Variants in APP observed in about 807,000 individuals in gnomAD.
The protein encoded by APP is amyloid beta precursor protein, also known as amyloid-beta precursor protein.
A neutral mutation model predicts 101.4 loss-of-function variants in APP; 31 were observed. That is an observed-to-expected ratio of 0.31 (90% CI 0.23 to 0.41). The LOEUF is 0.41. Ranked by LOEUF, APP falls within the 10% of genes least tolerant of loss-of-function variation. APP has a pLI of 1.00. For missense variants in APP, 839 were observed against 1,003.7 expected (o/e 0.84, Z 2.22); for synonymous variants, 366 against 364.4 (o/e 1.00, Z -0.05).
intron 15 of APP, among the ~76,000 whole-genome samples, chr21:25,902,250 C>A (rs933441948): frequency 6.6e-6 from 1 of 152,152 alleles, no homozygotes; most frequent in African/African-American, 2.4e-5. Flanking sequence ...ACTTGAACGG[C>A]ATGACAATCT....
chr21:26,112,690 T>C (rs1030481274), intron 1 of APP, among the ~76,000 whole-genome samples: 3 of 152,208 alleles, frequency 2.0e-5, no homozygotes, highest in Non-Finnish European at 4.4e-5. Context: ...GAATTCACCA[T>C]CCACAAATAT....
At chr21:26,059,748 A>G (rs925366885) in intron 3 of APP, among the ~76,000 whole-genome samples, 1 of 151,976 alleles carries the variant, frequency 6.6e-6, no homozygotes, top group African/African-American at 2.4e-5. Context: ...AAAATTAGCC[A>G]GGCGTGGTGG....
At chr21:26,137,181 G>A (rs555198232) in intron 1 of APP, among the ~76,000 whole-genome samples, 1 of 152,300 alleles carries the variant, frequency 6.6e-6, no homozygotes, top group South Asian at 2.1e-4. Context: ...GCCCACCTCG[G>A]CCTCCCAAAG....
Position 25,975,946 on chromosome 21 carries a change from G to C in APP, c.1299+8C>G. On this transcript the variant is annotated splice_region_variant and intron_variant, in intron 10 of 17. Transcript: ENST00000346798. Reference sequence around the variant, plus strand: ...TGATGTTTGGTAGGAAATGGGTTCAGGTTTTACCTGGATAACTGCCTTCTT... The same window carrying C: ...TGATGTTTGGTAGGAAATGGGTTCACGTTTTACCTGGATAACTGCCTTCTT... 1 of 1,612,458 alleles carries C rather than the reference G, an allele frequency of 6.2e-7. No individual in the cohort carries two copies.
intron 5 of APP, among the ~76,000 whole-genome samples, chr21:26,033,970 C>T (rs1365602503): frequency 6.6e-6 from 1 of 152,150 alleles, no homozygotes; most frequent in Non-Finnish European, 1.5e-5. Context: ...TAAGACCCCG[C>T]TGGAGAGGCA....
intron 5 of APP, among the ~76,000 whole-genome samples, chr21:26,030,041 AC>A (rs1228851352): frequency 6.6e-6 from 1 of 152,174 alleles, no homozygotes; most frequent in East Asian, 1.9e-4. Flanking sequence ...CCTGGGCAGA[AC>A]CTTTAAAAGA....
At chr21:26,066,317 G>A (rs186178989) in intron 3 of APP, among the ~76,000 whole-genome samples, 53 of 152,192 alleles carry the variant, frequency 3.5e-4, no homozygotes, top group African/African-American at 1.2e-3. Flanking sequence ...TTATTGCTTT[G>A]TAAGACACTC....
chr21:25,892,291 A>T (rs1006184470), intron 16 of APP, among the ~76,000 whole-genome samples: 3 of 152,166 alleles, frequency 2.0e-5, no homozygotes, highest in African/African-American at 7.2e-5. Flanking sequence ...AAAGGAGGTC[A>T]GCATTTTCCT....
intron 13 of APP, among the ~76,000 whole-genome samples, chr21:25,914,880 T>A (rs1443137132): frequency 6.6e-6 from 1 of 152,134 alleles, no homozygotes; most frequent in Non-Finnish European, 1.5e-5. Flanking sequence ...GCCTCCAGAA[T>A]TGTAGTATTT....
At chr21:25,892,117 G>A (rs2037739190) in intron 16 of APP, among the ~76,000 whole-genome samples, 1 of 147,044 alleles carries the variant, frequency 6.8e-6, no homozygotes, top group African/African-American at 2.5e-5. Context: ...ATAGAAGGAT[G>A]TACAACATGT....
At chr21:26,131,143 C>A (rs1164944015) in intron 1 of APP, among the ~76,000 whole-genome samples, 1 of 152,058 alleles carries the variant, frequency 6.6e-6, no homozygotes, top group Non-Finnish European at 1.5e-5. Flanking sequence ...GCAGGAGAAT[C>A]GCTTGAACCC....
At chr21:25,970,814 G>C (rs1024866077) in intron 11 of APP, among the ~76,000 whole-genome samples, 2 of 152,048 alleles carry the variant, frequency 1.3e-5, no homozygotes, top group Non-Finnish European at 2.9e-5. Context: ...AGTATCTTAC[G>C]TCTTGGAAGA....
chr21:25,977,807 T>C (rs147388194), intron 9 of APP, among the ~76,000 whole-genome samples: 4 of 152,342 alleles, frequency 2.6e-5, no homozygotes, highest in East Asian at 1.9e-4. Context: ...CCCATCTGCT[T>C]TGGTGCTTCT....
chr21:25,899,028 A>T (rs750738112), intron 15 of APP, among the ~76,000 whole-genome samples: 1 of 152,232 alleles, frequency 6.6e-6, no homozygotes, highest in African/African-American at 2.4e-5. Context: ...GCTGGTTGTG[A>T]CCTAGCACCA....
At chr21:25,899,998 C>A (rs1301589906) in intron 15 of APP, among the ~76,000 whole-genome samples, 2 of 152,140 alleles carry the variant, frequency 1.3e-5, no homozygotes, top group East Asian at 3.9e-4. Context: ...TGCTACGAGA[C>A]CCACAGAGTT....
At chr21:25,901,170 T>A (rs889286646) in intron 15 of APP, among the ~76,000 whole-genome samples, 7 of 151,440 alleles carry the variant, frequency 4.6e-5, no homozygotes, top group African/African-American at 1.7e-4. Context: ...TGGTGGCACA[T>A]CCCTGTAATC....
In APP at chr21:25,952,560, A is replaced by G. The variant is rs1489487565; in HGVS notation, c.1687+2030T>C. Among the ~76,000 whole-genome samples the G allele has an allele frequency of 3.3e-5, 5 of 152,202 alleles. No homozygotes were observed. The East Asian group carries it at 7.7e-4, about 23-fold the overall frequency. ...CTAATTAGTGGCTAATGTTTTCAGT[A>G]GTATAGTGCCAAATAAAAAGTTCTA... On this transcript the variant is annotated intron_variant, in intron 13 of 17. Transcript: ENST00000346798.
At chr21:26,062,564 G>T (rs1256398315) in intron 3 of APP, among the ~76,000 whole-genome samples, 1 of 150,328 alleles carries the variant, frequency 6.7e-6, no homozygotes, top group Non-Finnish European at 1.5e-5. Context: ...CGGGAGGCTG[G>T]GGCAGGAGAA....
At chr21:26,117,763 G>C (rs1156230336) in intron 1 of APP, among the ~76,000 whole-genome samples, 2 of 152,136 alleles carry the variant, frequency 1.3e-5, no homozygotes, top group Non-Finnish European at 2.9e-5. Flanking sequence ...AACTGCAAGT[G>C]GTTTCTATTT....
Sources: allele counts gnomAD v4.1 joint callset (sites outside exome capture counted in the v4.1 genomes callset), GRCh38; gene constraint gnomAD v4.1.1; transcripts MANE v1.5; gene names NCBI Gene and HGNC (gene_info 2026-07-23, HGNC 2026-07-21).